Variants in NAALADL2 observed in about 807,000 individuals in gnomAD.
The protein encoded by NAALADL2 is N-acetylated alpha-linked acidic dipeptidase like 2.
Under a neutral mutation model 87.2 loss-of-function variants are expected in NAALADL2, and 76 were observed. That is an observed-to-expected ratio of 0.87 (90% CI 0.72 to 1.05). The LOEUF (loss-of-function observed/expected upper bound fraction) is 1.05, where lower values mean the gene tolerates loss of function less well. Among genes scored for constraint, NAALADL2 ranks in the 50% least tolerant of loss-of-function variants. The pLI is 0.00. For missense variants in NAALADL2, 1,089 were observed against 945.8 expected (o/e 1.15, Z -1.99); for synonymous variants, 354 against 331.0 (o/e 1.07, Z -0.75).
intron 13 of NAALADL2, among the ~76,000 whole-genome samples, chr3:175,779,970 T>A (rs9871065): frequency 0.016 from 2,480 of 152,200 alleles, 62 homozygotes; most frequent in African/African-American, 0.056. Context: ...AAATTTAGAA[T>A]TTTTCCAAAT....
At chr3:174,653,363 T>G (rs1358567441) in intron 2 of NAALADL2, among the ~76,000 whole-genome samples, 1 of 152,206 alleles carries the variant, frequency 6.6e-6, no homozygotes, top group Non-Finnish European at 1.5e-5. Flanking sequence ...TTTTTGTGTG[T>G]TCATTATCTT....
intron 1 of NAALADL2, among the ~76,000 whole-genome samples, chr3:175,022,174 G>T (rs950968759): frequency 6.6e-6 from 1 of 151,966 alleles, no homozygotes; most frequent in Non-Finnish European, 1.5e-5. Context: ...CATGCTTCTT[G>T]TATAGCCTGA....
At chr3:175,492,215 A>G (rs1027553264) in intron 9 of NAALADL2, among the ~76,000 whole-genome samples, 10 of 152,190 alleles carry the variant, frequency 6.6e-5, no homozygotes, top group African/African-American at 2.4e-4. Flanking sequence ...CTCTACATCA[A>G]AAGTTTTTCC....
chr3:175,368,574 T>TGA (rs1766000478), intron 5 of NAALADL2, among the ~76,000 whole-genome samples: 1 of 139,450 alleles, frequency 7.2e-6, no homozygotes, highest in South Asian at 2.2e-4. Flanking sequence ...TGTGTGTGAG[T>TGA]GTGTGTGTGT....
At chr3:175,368,010 A>G (rs1765877196) in intron 5 of NAALADL2, among the ~76,000 whole-genome samples, 1 of 152,086 alleles carries the variant, frequency 6.6e-6, no homozygotes, top group Non-Finnish European at 1.5e-5. Flanking sequence ...GATAGCTCTT[A>G]TTATTTTGAG....
At chr3:175,529,092 G>T (rs1290880482) in intron 9 of NAALADL2, among the ~76,000 whole-genome samples, 1 of 152,160 alleles carries the variant, frequency 6.6e-6, no homozygotes, top group East Asian at 1.9e-4. Context: ...ATTTCCCATT[G>T]ACCTTAATCA....
intron 2 of NAALADL2, among the ~76,000 whole-genome samples, chr3:174,570,556 C>T (rs887802086): frequency 3.3e-5 from 5 of 152,034 alleles, no homozygotes; most frequent in South Asian, 2.1e-4. Flanking sequence ...ATCTAAGGCG[C>T]GCTAGGGGAT....
At chr3:175,742,766 A>G (rs1299894440) in intron 12 of NAALADL2, among the ~76,000 whole-genome samples, 1 of 152,138 alleles carries the variant, frequency 6.6e-6, no homozygotes, top group Non-Finnish European at 1.5e-5. Context: ...AGGGAAATGT[A>G]TGTATTTTTA....
chr3:175,346,002 A>G (rs532977451), intron 5 of NAALADL2, among the ~76,000 whole-genome samples: 9 of 152,266 alleles, frequency 5.9e-5, no homozygotes, highest in African/African-American at 1.9e-4. Context: ...TGTTCTTCCA[A>G]TTGTTCAGGG....
intron 5 of NAALADL2, among the ~76,000 whole-genome samples, chr3:175,375,954 A>G (rs987148131): frequency 7.9e-5 from 12 of 152,098 alleles, no homozygotes; most frequent in Non-Finnish European, 1.6e-4. Flanking sequence ...TGTGGTTTAC[A>G]ATATGCATTT....
chr3:175,798,691 A>G (rs2108334470), intron 13 of NAALADL2, among the ~76,000 whole-genome samples: 1 of 152,182 alleles, frequency 6.6e-6, no homozygotes, highest in Non-Finnish European at 1.5e-5. Context: ...TTTAGACCTG[A>G]ACATTTTTTT....
chr3:174,795,945 G>C (rs918077547), intron 3 of NAALADL2, among the ~76,000 whole-genome samples: 1 of 152,120 alleles, frequency 6.6e-6, no homozygotes, highest in South Asian at 2.1e-4. Flanking sequence ...GTTATGAAAT[G>C]CATTGTTTCC....
chr3:175,665,039 A>G (rs1246178793), intron 11 of NAALADL2, among the ~76,000 whole-genome samples: 1 of 152,156 alleles, frequency 6.6e-6, no homozygotes, highest in Non-Finnish European at 1.5e-5. Flanking sequence ...ATCGATATAT[A>G]TTGTAGTCAA....
intron 3 of NAALADL2, among the ~76,000 whole-genome samples, chr3:174,824,404 G>C (rs1043593636): frequency 6.6e-6 from 1 of 152,092 alleles, no homozygotes; most frequent in African/African-American, 2.4e-5. Flanking sequence ...TTCTGATTTC[G>C]ATTGTGAATT....
At chr3:175,368,624 A>G (rs1484874034) in intron 5 of NAALADL2, among the ~76,000 whole-genome samples, 1 of 151,542 alleles carries the variant, frequency 6.6e-6, no homozygotes, top group Non-Finnish European at 1.5e-5. Context: ...ATATGTAGCA[A>G]ATACGTTCAT....
intron 9 of NAALADL2, among the ~76,000 whole-genome samples, chr3:175,516,254 C>A (rs1437437267): frequency 2.0e-5 from 3 of 152,130 alleles, no homozygotes; most frequent in African/African-American, 2.4e-5. Flanking sequence ...TATGAGATAG[C>A]CCTATTGTTT....
intron 1 of NAALADL2, among the ~76,000 whole-genome samples, chr3:174,989,723 G>A (rs1423201456): frequency 2.6e-5 from 4 of 152,180 alleles, no homozygotes; most frequent in Non-Finnish European, 5.9e-5. Context: ...GAAAGAGGCA[G>A]TGCAGTAAGA....
intron 11 of NAALADL2, among the ~76,000 whole-genome samples, chr3:175,683,178 T>C (rs188915174): frequency 1.3e-5 from 2 of 152,102 alleles, no homozygotes; most frequent in East Asian, 3.9e-4. Flanking sequence ...AAAATAATAA[T>C]TTAATAATTT....
At chr3:175,094,541 C>G (rs908622463) in intron 1 of NAALADL2, among the ~76,000 whole-genome samples, 1 of 151,832 alleles carries the variant, frequency 6.6e-6, no homozygotes, top group South Asian at 2.1e-4. Context: ...ACGTTACTTC[C>G]TTTCTCTGCT....
Sources: gnomAD v4.1 joint callset for allele counts (sites outside exome capture counted in the v4.1 genomes callset) on GRCh38, gnomAD v4.1.1 for gene constraint, MANE v1.5 for transcripts, NCBI Gene and HGNC (gene_info 2026-07-23, HGNC 2026-07-21) for gene names.